Variants in THEMIS observed in about 807,000 individuals in gnomAD.
THEMIS encodes thymocyte selection associated, also known as protein THEMIS.
In THEMIS, 37 loss-of-function variants were observed where a neutral mutation model predicts 52.6. That is an observed-to-expected ratio of 0.70 (90% CI 0.54 to 0.93). The LOEUF is 0.93. THEMIS is among the 40% of genes least tolerant of loss of function. The probability of loss-of-function intolerance (pLI) is 0.00; values close to 1 mark genes in which losing one functional copy is unlikely to be tolerated. For missense variants in THEMIS, 808 were observed against 763.1 expected (o/e 1.06, Z -0.69); for synonymous variants, 292 against 272.7 (o/e 1.07, Z -0.70).
intron 5 of THEMIS, among the ~76,000 whole-genome samples, chr6:127,718,360 T>C (rs1774243583): frequency 6.6e-6 from 1 of 151,890 alleles, no homozygotes; most frequent in South Asian, 2.1e-4. Context: ...TAATTCCAGG[T>C]CATCTTTGTC....
the THEMIS span, among the ~76,000 whole-genome samples, chr6:127,697,608 A>G: frequency 6.6e-6 from 1 of 152,068 alleles, no homozygotes; most frequent in Non-Finnish European, 1.5e-5. Flanking sequence ...CTATTCTCCA[A>G]TTCAAGAACC....
At chr6:127,799,918 G>T (rs1777475422) in intron 4 of THEMIS, among the ~76,000 whole-genome samples, 1 of 152,126 alleles carries the variant, frequency 6.6e-6, no homozygotes, top group Non-Finnish European at 1.5e-5. Context: ...GACCAATTTA[G>T]TCATAATGAT....
intron 1 of THEMIS, among the ~76,000 whole-genome samples, chr6:127,896,672 T>C (rs777763778): frequency 4.6e-4 from 70 of 151,486 alleles, no homozygotes; most frequent in Non-Finnish European, 8.6e-4. Context: ...GAATAATAAA[T>C]TGAGAGAACT....
At chr6:127,767,908 A>G (rs1374276588) in intron 4 of THEMIS, among the ~76,000 whole-genome samples, 1 of 152,186 alleles carries the variant, frequency 6.6e-6, no homozygotes, top group Non-Finnish European at 1.5e-5. Flanking sequence ...CAAGTTTTTC[A>G]GCTTCATTAT....
At chr6:127,812,470 C>T (rs1236224016) in intron 4 of THEMIS, among the ~76,000 whole-genome samples, 1 of 152,104 alleles carries the variant, frequency 6.6e-6, no homozygotes, top group Non-Finnish European at 1.5e-5. Context: ...AGTAACCCCC[C>T]ATCCCCAGAA....
intron 1 of THEMIS, among the ~76,000 whole-genome samples, chr6:127,884,077 A>C (rs1219883385): frequency 6.6e-6 from 1 of 152,100 alleles, no homozygotes; most frequent in Admixed American, 6.5e-5. Context: ...TATTCCTGAC[A>C]TTCTCTCAAT....
rs145939016 is a variant in THEMIS, at chr6:127,841,964, C to A, written c.251-12030G>T. Reference sequence around the variant, plus strand: ...AAATAGCCCCTGATTCCTTGGATAGCGAATTATCTAAAAGGCAGGAGCTCT... The same window carrying A: ...AAATAGCCCCTGATTCCTTGGATAGAGAATTATCTAAAAGGCAGGAGCTCT... On this transcript the variant is annotated intron_variant, in intron 2 of 5. Coordinates refer to ENST00000368248, the MANE Select transcript of THEMIS (RefSeq NM_001010923.3). Among the ~76,000 whole-genome samples, 179 of 151,948 alleles carry A rather than the reference C, an allele frequency of 1.2e-3. 1 individual carries two copies. The East Asian group carries it at 0.017, about 14-fold the overall frequency.
chr6:127,849,132 C>T (rs2114261093), intron 2 of THEMIS, among the ~76,000 whole-genome samples: 1 of 152,084 alleles, frequency 6.6e-6, no homozygotes, highest in African/African-American at 2.4e-5. Context: ...CCAGTTTCAG[C>T]TTTCTACATA....
At chr6:127,733,731 C>T (rs540081230) in intron 4 of THEMIS, among the ~76,000 whole-genome samples, 16 of 152,274 alleles carry the variant, frequency 1.1e-4, no homozygotes, top group African/African-American at 3.9e-4. Context: ...CAAGATTTAA[C>T]TGTCAATTCT....
chr6:127,730,323 A>C (rs1320288289), intron 4 of THEMIS, among the ~76,000 whole-genome samples: 1 of 148,652 alleles, frequency 6.7e-6, no homozygotes, highest in East Asian at 2.0e-4. Context: ...AAAGAGAAAA[A>C]AAGAAAAGAA....
intron 2 of THEMIS, among the ~76,000 whole-genome samples, chr6:127,848,165 C>T (rs1779288059): frequency 7.0e-6 from 1 of 142,890 alleles, no homozygotes; most frequent in African/African-American, 2.6e-5. Context: ...TGAATGAGAA[C>T]ATGCGGTGTT....
intron 3 of THEMIS, among the ~76,000 whole-genome samples, chr6:127,828,041 ACCTTGTT>A (rs1318175902): frequency 4.0e-5 from 6 of 151,828 alleles, no homozygotes; most frequent in African/African-American, 1.5e-4. Context: ...GCCTTCTCCA[ACCTTGTT>A]CCTTTCTTCT....
At chr6:127,799,484 A>G (rs558752830) in intron 4 of THEMIS, among the ~76,000 whole-genome samples, 1 of 152,316 alleles carries the variant, frequency 6.6e-6, no homozygotes, top group South Asian at 2.1e-4. Context: ...GCATTTGCAA[A>G]GATAAGAAAT....
intron 4 of THEMIS, among the ~76,000 whole-genome samples, chr6:127,798,080 A>G (rs2114547695): frequency 6.6e-6 from 1 of 152,376 alleles, no homozygotes; most frequent in South Asian, 2.1e-4. Context: ...ATGAATACAG[A>G]ATCATGCACG....
chr6:127,914,096 C>T (rs867017382), intron 1 of THEMIS, among the ~76,000 whole-genome samples: 1 of 152,066 alleles, frequency 6.6e-6, no homozygotes, highest in South Asian at 2.1e-4. Context: ...ATACACATAA[C>T]CTGAATGTAA....
At chr6:127,765,682 G>C (rs1776172431) in intron 4 of THEMIS, among the ~76,000 whole-genome samples, 1 of 151,926 alleles carries the variant, frequency 6.6e-6, no homozygotes, top group Non-Finnish European at 1.5e-5. Context: ...GTTTAGATAA[G>C]TTTAGATACA....
intron 4 of THEMIS, among the ~76,000 whole-genome samples, chr6:127,725,353 T>A (rs1018219263): frequency 6.6e-6 from 1 of 152,000 alleles, no homozygotes; most frequent in Non-Finnish European, 1.5e-5. Flanking sequence ...AAAAATCGAA[T>A]CACATCAAAT....
intron 4 of THEMIS, among the ~76,000 whole-genome samples, chr6:127,792,821 T>C (rs1434567005): frequency 1.3e-5 from 2 of 152,228 alleles, no homozygotes; most frequent in Non-Finnish European, 2.9e-5. Context: ...ATATTTCCTG[T>C]AGCTGCACAG....
In THEMIS at chr6:127,710,062, T is replaced by C. The variant is rs111604053; in HGVS notation, c.1895-46A>G. 1.8e-4 allele frequency: 246 copies of C among 1,389,232 alleles called. 3 individuals carry two copies. The African/African-American group carries it at 3.1e-3, about 18-fold the overall frequency. The allele number at this position is 1,389,232 out of a possible 1,614,324, so 86.1% of individuals were successfully genotyped here. Reference sequence around the variant, plus strand: ...GTTTATCAGAAATAAGTATTGAAAATAACCAGAAAGGAAACTGCCTGCTTT... The same window carrying C: ...GTTTATCAGAAATAAGTATTGAAAACAACCAGAAAGGAAACTGCCTGCTTT... On this transcript the variant is annotated intron_variant, in intron 5 of 5. Coordinates refer to ENST00000368248, the MANE Select transcript of THEMIS (RefSeq NM_001010923.3).
Sources: allele counts gnomAD v4.1 joint callset (sites outside exome capture counted in the v4.1 genomes callset), GRCh38; gene constraint gnomAD v4.1.1; transcripts MANE v1.5; gene names NCBI Gene and HGNC (gene_info 2026-07-23, HGNC 2026-07-21).